The following DNAH3 variants were observed in gnomAD, a reference collection of about 807,000 sequenced individuals.
DNAH3 encodes the protein dynein axonemal heavy chain 3, also known as axonemal beta dynein heavy chain 3.
A neutral mutation model predicts 432.5 loss-of-function variants in DNAH3; 332 were observed. The observed-to-expected ratio is 0.77, with a 90% CI of 0.70 to 0.84. DNAH3 has a LOEUF of 0.84. Ranked by LOEUF, DNAH3 falls within the 40% of genes least tolerant of loss-of-function variation. DNAH3 has a pLI of 0.00. For synonymous variants in DNAH3, 1,956 were observed against 1,900.2 expected (o/e 1.03, Z -0.76); for missense variants, 4,861 against 5,114.0 (o/e 0.95, Z 1.51).
intron 51 of DNAH3, among the ~76,000 whole-genome samples, chr16:20,973,467 G>C (rs1417943711): frequency 6.6e-6 from 1 of 152,086 alleles, no homozygotes. Context: ...TGGCAAGGCT[G>C]TTCTCAAACA....
In DNAH3 at chr16:21,037,833, A is replaced by C. The variant is rs144717900; in HGVS notation, c.4878T>G (p.Ser1626Arg). Residue 1626 changes from serine (S) to arginine (R), a missense_variant, in exon 34 of 62, where the codon AGT becomes AGG. Coordinates refer to ENST00000261383, the Ensembl canonical transcript of DNAH3. ...CAAGCAATGCCCGGAGCAGCAGGAC[A>C]CTTTCATTCTCCTCTGGATACTTGA... 2.1e-3 allele frequency: 3,454 copies of C among 1,614,166 alleles called. 108 individuals carry two copies. In the Admixed American group the frequency reaches 0.055, roughly 26 times the overall value.
At chr16:21,097,637 T>A in intron 17 of DNAH3, 138 bp from the exon 18 acceptor site, 1 of 1,074,498 alleles carries the variant, frequency 9.3e-7, no homozygotes, top group Non-Finnish European at 1.4e-6. Context: ...GAGAGGAAAC[T>A]AAAGCATGAA....
In DNAH3 at chr16:20,979,552, G is replaced by A. The variant is rs765730877; in HGVS notation, c.7860-6C>T. On this transcript the variant is annotated splice_region_variant and splice_polypyrimidine_tract_variant and intron_variant, in intron 49 of 61. Transcript: ENST00000261383. ...ATTTGCACATGGACACGACCCTGCC[G>A]AGGACACCAAGGCGGTTAGGCAGGA... The A allele has an allele frequency of 1.4e-5, 22 of 1,613,728 alleles. No individual in the cohort carries two copies. The highest frequency in any genetic ancestry group is 6.7e-5 in the Admixed American group (4 of 59,960).
At chr16:20,990,801 C>T (rs190719306) in intron 44 of DNAH3, among the ~76,000 whole-genome samples, 2 of 152,196 alleles carry the variant, frequency 1.3e-5, no homozygotes, top group Admixed American at 1.3e-4. Flanking sequence ...GCGTGCAGAT[C>T]ACGAGGTCAA....
In DNAH3 at chr16:21,050,779, A is replaced by G. The variant is rs571016422; in HGVS notation, c.4239-761T>C. ...CTCTAAAGTTCAGGAATCATATTTGATTCCATTTCATAACCTCAGTAAATT... is the reference window on the plus strand; with the variant it reads ...CTCTAAAGTTCAGGAATCATATTTGGTTCCATTTCATAACCTCAGTAAATT... On this transcript the variant is annotated intron_variant, in intron 29 of 61. Transcript: ENST00000261383. Among the ~76,000 whole-genome samples the G allele has an allele frequency of 5.9e-5, 9 of 152,322 alleles. 1 individual carries two copies. In the South Asian group the frequency reaches 1.9e-3, roughly 32 times the overall value.
rs1326622297 is a variant in DNAH3, at chr16:20,944,518, CCTGA to C, written c.11485_11488del (p.Ser3829GlufsTer32). 1 of 1,614,152 alleles carries C rather than the reference CCTGA, an allele frequency of 6.2e-7. No homozygotes were observed. The highest frequency in any genetic ancestry group is 8.5e-7 in the Non-Finnish European group (1 of 1,180,022). On this transcript the variant is annotated frameshift_variant, in exon 58 of 62. Transcript: ENST00000261383. LOFTEE classifies it high-confidence loss of function. ...TACCTGAGGGGACTTGCCACTTCCT[CCTGA>C]CTGTCTAGGGAGGGTCAGCAGGACC...
At chr16:21,097,246 T>C in intron 18 of DNAH3, 109 bp downstream of exon 18, 1 of 1,320,220 alleles carries the variant, frequency 7.6e-7, no homozygotes, top group East Asian at 2.3e-5. Flanking sequence ...TGTCAGAATC[T>C]GATTAAAAGT....
intron 1 of DNAH3, chr16:21,158,319 A>T (rs2152838998): frequency 6.6e-6 from 1 of 152,384 alleles, no homozygotes; most frequent in African/African-American, 2.4e-5. Context: ...GGTTTTAGGC[A>T]TACAGGAGGG....
intron 26 of DNAH3, 104 bp from the exon 27 acceptor site, chr16:21,058,300 A>C: frequency 1.6e-6 from 1 of 613,424 alleles, no homozygotes; most frequent in Non-Finnish European, 3.0e-6. Flanking sequence ...CAAAAACAAA[A>C]TCTTCCCCCA....
At chr16:20,964,302 G>A in exon 53 of DNAH3, 1 of 1,614,192 alleles carries the variant, frequency 6.2e-7, no homozygotes, top group Non-Finnish European at 8.5e-7. Context: ...GGGTGATCAT[G>A]AAGTTGAGGA....
rs1310245701 is a variant in DNAH3, at chr16:21,039,062, C to A, written c.4730+790G>T. Among the ~76,000 whole-genome samples the A allele has an allele frequency of 2.0e-5, 3 of 152,172 alleles. No homozygotes were observed. The East Asian group carries it at 5.8e-4, about 29-fold the overall frequency. Reference sequence around the variant, plus strand: ...GTATGTGTGTATACACACGTACACACTTGAAGACACTGATCCGTGTATAAC... The same window carrying A: ...GTATGTGTGTATACACACGTACACAATTGAAGACACTGATCCGTGTATAAC... On this transcript the variant is annotated intron_variant, in intron 33 of 61. Coordinates refer to ENST00000261383, the Ensembl canonical transcript of DNAH3.
intron 41 of DNAH3, among the ~76,000 whole-genome samples, chr16:21,010,708 T>C (rs566538058): frequency 3.3e-5 from 5 of 152,156 alleles, no homozygotes; most frequent in Admixed American, 3.3e-4. Flanking sequence ...ATTTTCATCA[T>C]GGGCCCTCAT....
intron 52 of DNAH3, among the ~76,000 whole-genome samples, chr16:20,966,724 A>C (rs999007770): frequency 1.3e-5 from 2 of 152,116 alleles, no homozygotes; most frequent in African/African-American, 2.4e-5. Context: ...CGTGGGGATG[A>C]GTTTCGAATA....
chr16:21,046,038 G>A (rs2089679481), intron 31 of DNAH3, among the ~76,000 whole-genome samples: 1 of 151,994 alleles, frequency 6.6e-6, no homozygotes, highest in Non-Finnish European at 1.5e-5. Flanking sequence ...TGGTCTGAGA[G>A]ATAGTTTGTT....
chr16:21,113,445 C>G (rs2092117916), intron 12 of DNAH3, among the ~76,000 whole-genome samples: 1 of 149,234 alleles, frequency 6.7e-6, no homozygotes, highest in Non-Finnish European at 1.5e-5. Context: ...TTAACCATCA[C>G]AGTTGTCTTT....
chr16:21,122,480 C>T (rs2092364527), intron 9 of DNAH3, among the ~76,000 whole-genome samples: 3 of 152,062 alleles, frequency 2.0e-5, no homozygotes, highest in Admixed American at 6.6e-5. Flanking sequence ...TCACTTGAAC[C>T]CAGGAGGCAG....
chr16:21,155,477 C>T (rs1315641005), intron 1 of DNAH3, among the ~76,000 whole-genome samples: 8 of 151,846 alleles, frequency 5.3e-5, no homozygotes, highest in Non-Finnish European at 1.5e-5. Context: ...CAAAAATTAG[C>T]TGGGCGTGGC....
chr16:21,121,632 C>G (rs117483255), intron 10 of DNAH3, among the ~76,000 whole-genome samples: 4 of 141,512 alleles, frequency 2.8e-5, no homozygotes, highest in African/African-American at 1.1e-4. Flanking sequence ...GATGGAGTCT[C>G]GCTCTGTCGC....
intron 4 of DNAH3, among the ~76,000 whole-genome samples, 160 bp from the exon 6 acceptor site, chr16:21,140,870 A>G (rs938051210): frequency 6.6e-6 from 1 of 152,144 alleles, no homozygotes; most frequent in Non-Finnish European, 1.5e-5. Context: ...AGATGACCCT[A>G]ATGACTGAAC....
Sources: gnomAD v4.1 joint callset for allele counts (sites outside exome capture counted in the v4.1 genomes callset) on GRCh38, gnomAD v4.1.1 for gene constraint, MANE v1.5 for transcripts, NCBI Gene and HGNC (gene_info 2026-07-23, HGNC 2026-07-21) for gene names.